SNX24: variants seen among roughly 807,000 people sequenced by gnomAD.
SNX24 encodes sorting nexin 24, also known as sorting nexin-24.
SNX24 carries 22 observed loss-of-function variants against 28.7 expected under a neutral mutation model. The ratio of observed to expected loss-of-function variants is 0.77; its 90% CI spans 0.55 to 1.10. The LOEUF (loss-of-function observed/expected upper bound fraction) is 1.10, where lower values mean the gene tolerates loss of function less well. SNX24 is among the 50% of genes least tolerant of loss of function. The pLI is 0.00. For missense variants in SNX24, 221 were observed against 201.1 expected, an observed-to-expected ratio of 1.10 and a Z score of -0.60; for synonymous variants, 69 against 71.5, an observed-to-expected ratio of 0.96 and a Z score of 0.18.
intron 1 of SNX24, among the ~76,000 whole-genome samples, chr5:122,928,646 G>A (rs984136664): frequency 9.2e-5 from 14 of 151,814 alleles, no homozygotes; most frequent in African/African-American, 3.4e-4. Flanking sequence ...ACAACTGCAG[G>A]GATCCTATTG....
chr5:122,937,635 A>AGT (rs904348468), intron 2 of SNX24, among the ~76,000 whole-genome samples: 1 of 152,196 alleles, frequency 6.6e-6, no homozygotes, highest in Non-Finnish European at 1.5e-5. Flanking sequence ...GATTAGTGAG[A>AGT]CTGTTTCCTT....
At chr5:122,982,269 T>C (rs1403218239) in intron 3 of SNX24, among the ~76,000 whole-genome samples, 3 of 152,234 alleles carry the variant, frequency 2.0e-5, no homozygotes, top group Non-Finnish European at 4.4e-5. Flanking sequence ...CATATTCCAC[T>C]GCTATTTATT....
At chr5:122,900,467 A>G (rs1757390134) in intron 1 of SNX24, among the ~76,000 whole-genome samples, 1 of 152,166 alleles carries the variant, frequency 6.6e-6, no homozygotes, top group South Asian at 2.1e-4. Context: ...ATGGTGTGGT[A>G]TAGAAAACAT....
rs1758482586 is a variant in SNX24, at chr5:122,922,551, C to T, written c.61-14183C>T. On this transcript the variant is annotated intron_variant, in intron 1 of 6. Transcript: ENST00000261369. Reference sequence around the variant, plus strand: ...TACAGGTGTGAGCCACCTCGCCTGGCATTGGTCTTTTTTTTTTTAAGTAGG... The same window carrying T: ...TACAGGTGTGAGCCACCTCGCCTGGTATTGGTCTTTTTTTTTTTAAGTAGG... Among the ~76,000 whole-genome samples, 5 of 151,918 alleles carry T rather than the reference C, an allele frequency of 3.3e-5. No individual in the cohort carries two copies. The South Asian group carries it at 1.0e-3, about 32-fold the overall frequency.
At chr5:123,027,580 C>T (rs1379526877) in intron 5 of SNX24, among the ~76,000 whole-genome samples, 1 of 152,190 alleles carries the variant, frequency 6.6e-6, no homozygotes, top group African/African-American at 2.4e-5. Flanking sequence ...TGCCTTCCTC[C>T]ACTCCAGTCT....
rs563177981 is a variant in SNX24, at chr5:122,864,544, T to C, written c.60+18851T>C. On this transcript the variant is annotated intron_variant, in intron 1 of 6. Transcript: ENST00000261369. ...CTCCCCAAACATTCAGTGATGAGTTTTAAGGACAATTTAGTGGGTGGGGAG... is the reference window on the plus strand; with the variant it reads ...CTCCCCAAACATTCAGTGATGAGTTCTAAGGACAATTTAGTGGGTGGGGAG... 1.0e-3 allele frequency among the ~76,000 whole-genome samples: 152 copies of C among 152,304 alleles called. 1 individual carries two copies. In the South Asian group the frequency reaches 0.015, roughly 15 times the overall value.
rs907450857 is a variant in SNX24 at position 122,991,937 on chromosome 5, C to T, written c.250-7975C>T. Among the ~76,000 whole-genome samples the T allele has an allele frequency of 1.3e-4, 20 of 151,978 alleles. 1 individual carries two copies. The highest frequency in any genetic ancestry group is 4.6e-4 in the African/African-American group (19 of 41,370). On this transcript the variant is annotated intron_variant, in intron 3 of 6. Coordinates refer to ENST00000261369, the MANE Select transcript of SNX24 (RefSeq NM_014035.4). ...ATTTCAATGGCTCCCTTAAATATAT[C>T]TGTGGAATAAATTAAGTTTATAAAT...
intron 4 of SNX24, 87 bp downstream of exon 4, chr5:123,000,093 C>T (rs181910755): frequency 1.1e-3 from 1,015 of 906,776 alleles, no homozygotes; most frequent in Non-Finnish European, 1.5e-3. Context: ...GAGTGATGCC[C>T]GAGTAGCCTG....
At chr5:122,904,298 T>C (rs1395766480) in intron 1 of SNX24, among the ~76,000 whole-genome samples, 1 of 152,150 alleles carries the variant, frequency 6.6e-6, no homozygotes, top group Non-Finnish European at 1.5e-5. Context: ...TTCTCCTGTC[T>C]CAGCCTCCCC....
intron 4 of SNX24, 41 bp downstream of exon 4, chr5:123,000,047 A>G: frequency 7.8e-7 from 1 of 1,276,528 alleles, no homozygotes; most frequent in Admixed American, 1.7e-5. Flanking sequence ...ATTTTAAATT[A>G]CTCTTCAATG....
At chr5:122,919,156 C>T (rs915765188) in intron 1 of SNX24, among the ~76,000 whole-genome samples, 1 of 152,132 alleles carries the variant, frequency 6.6e-6, no homozygotes, top group African/African-American at 2.4e-5. Context: ...CAAGACAATC[C>T]ATATATTGAC....
intron 1 of SNX24, among the ~76,000 whole-genome samples, chr5:122,901,839 A>T (rs2150080304): frequency 6.6e-6 from 1 of 152,252 alleles, no homozygotes; most frequent in East Asian, 1.9e-4. Context: ...TTCTGCTCTG[A>T]CTTGCTTCTT....
At chr5:122,963,613 A>G (rs148517630) in intron 3 of SNX24, among the ~76,000 whole-genome samples, 263 of 152,316 alleles carry the variant, frequency 1.7e-3, no homozygotes, top group African/African-American at 6.0e-3. Context: ...AGGAAGGCAG[A>G]CATCCTTTAG....
intron 3 of SNX24, among the ~76,000 whole-genome samples, chr5:122,966,793 G>A (rs1760732116): frequency 6.6e-6 from 1 of 152,102 alleles, no homozygotes; most frequent in African/African-American, 2.4e-5. Context: ...GACTAAATTA[G>A]CTAAAATACA....
chr5:122,999,034 C>G (rs370963636), intron 3 of SNX24, among the ~76,000 whole-genome samples: 1 of 151,602 alleles, frequency 6.6e-6, no homozygotes, highest in Admixed American at 6.6e-5. Flanking sequence ...ATGCTTTTCT[C>G]CTGTGGTCTT....
At chr5:122,972,311 T>C (rs1760990990) in intron 3 of SNX24, among the ~76,000 whole-genome samples, 2 of 152,194 alleles carry the variant, frequency 1.3e-5, no homozygotes, top group South Asian at 4.1e-4. Flanking sequence ...AGTGGGTCAC[T>C]AGGGGTGATG....
chr5:122,935,568 C>T (rs919092093), intron 1 of SNX24, among the ~76,000 whole-genome samples: 1 of 152,118 alleles, frequency 6.6e-6, no homozygotes, highest in Non-Finnish European at 1.5e-5. Context: ...CTCAGTCATG[C>T]AGCAGAAGAT....
chr5:122,897,719 AC>A (rs1244768515), intron 1 of SNX24, among the ~76,000 whole-genome samples: 22 of 152,332 alleles, frequency 1.4e-4, no homozygotes, highest in African/African-American at 5.3e-4. Flanking sequence ...GGTCCTCTAT[AC>A]ATTTATGAGG....
intron 1 of SNX24, among the ~76,000 whole-genome samples, chr5:122,860,464 A>G (rs1287425020): frequency 6.6e-6 from 1 of 152,200 alleles, no homozygotes; most frequent in African/African-American, 2.4e-5. Flanking sequence ...GGGCCACTCT[A>G]AACATTGAAA....
Sources: allele counts gnomAD v4.1 joint callset (sites outside exome capture counted in the v4.1 genomes callset), GRCh38; gene constraint gnomAD v4.1.1; transcripts MANE v1.5; gene names NCBI Gene and HGNC (gene_info 2026-07-23, HGNC 2026-07-21).